The following CCSER2 variants were observed in gnomAD, a reference collection of about 807,000 sequenced individuals.
The protein encoded by CCSER2 is serine-rich coiled-coil domain-containing protein 2.
CCSER2 carries 46 observed loss-of-function variants against 92.3 expected under a neutral mutation model. That is an observed-to-expected ratio of 0.50 (90% CI 0.39 to 0.64). The LOEUF is 0.64. Among genes scored for constraint, CCSER2 ranks in the 30% least tolerant of loss-of-function variants. The pLI is 0.00. For synonymous variants in CCSER2, 433 were observed against 431.4 expected (o/e 1.00, Z -0.04); for missense variants, 1,244 against 1,238.9 (o/e 1.00, Z -0.06).
At chr10:84,492,479 C>T (rs976785137) in intron 9 of CCSER2, among the ~76,000 whole-genome samples, 4 of 152,072 alleles carry the variant, frequency 2.6e-5, no homozygotes, top group Non-Finnish European at 4.4e-5. Flanking sequence ...TGCATTATGT[C>T]ACCAGCTTGG....
intron 7 of CCSER2, among the ~76,000 whole-genome samples, chr10:84,465,896 G>T (rs946797923): frequency 2.0e-5 from 3 of 151,910 alleles, no homozygotes; most frequent in African/African-American, 7.3e-5. Context: ...GACTACAGGT[G>T]CCCACCACCG....
intron 9 of CCSER2, among the ~76,000 whole-genome samples, chr10:84,492,147 C>T (rs1005197145): frequency 6.6e-5 from 10 of 151,814 alleles, no homozygotes; most frequent in East Asian, 3.9e-4. Context: ...GGCATGGTGG[C>T]GGGCACCTGT....
chr10:84,494,215 G>T, intron 9 of CCSER2, among the ~76,000 whole-genome samples: 1 of 152,192 alleles, frequency 6.6e-6, no homozygotes. Flanking sequence ...GACCCATGAT[G>T]TAGGGTAACT....
At chr10:84,482,811 A>T (rs1283266239) in intron 9 of CCSER2, among the ~76,000 whole-genome samples, 1 of 152,196 alleles carries the variant, frequency 6.6e-6, no homozygotes, top group Non-Finnish European at 1.5e-5. Flanking sequence ...TACTCTGAAA[A>T]TTGAGTACAT....
chr10:84,431,564 T>A (rs974024758), intron 5 of CCSER2, among the ~76,000 whole-genome samples: 7 of 151,900 alleles, frequency 4.6e-5, no homozygotes, highest in Non-Finnish European at 8.8e-5. Flanking sequence ...ACATATTGAG[T>A]CCTCGTTTTG....
chr10:84,339,023 AAC>A (rs1439894677), intron 1 of CCSER2, among the ~76,000 whole-genome samples: 4 of 152,130 alleles, frequency 2.6e-5, no homozygotes, highest in African/African-American at 4.8e-5. Flanking sequence ...GGATTTCCGA[AAC>A]ACAGATCTGA....
intron 9 of CCSER2, among the ~76,000 whole-genome samples, chr10:84,495,429 T>C (rs1339445659): frequency 6.6e-6 from 1 of 152,214 alleles, no homozygotes; most frequent in Non-Finnish European, 1.5e-5. Context: ...GATTGCTTTT[T>C]GCTATTGTTG....
chr10:84,440,291 A>G (rs962924527), intron 6 of CCSER2, among the ~76,000 whole-genome samples: 3 of 152,192 alleles, frequency 2.0e-5, no homozygotes, highest in African/African-American at 7.2e-5. Flanking sequence ...TTATGTGATG[A>G]CAGCAAAATT....
intron 5 of CCSER2, among the ~76,000 whole-genome samples, chr10:84,429,889 A>C (rs1468826470): frequency 4.6e-5 from 7 of 152,176 alleles, no homozygotes; most frequent in Non-Finnish European, 1.0e-4. Context: ...AAAAAATACA[A>C]ATAATGTGAA....
At chr10:84,334,535 G>T (rs751742568) in intron 1 of CCSER2, among the ~76,000 whole-genome samples, 1 of 152,096 alleles carries the variant, frequency 6.6e-6, no homozygotes, top group Non-Finnish European at 1.5e-5. Context: ...CCATTGGGAA[G>T]CCAGAGGATT....
chr10:84,357,761 T>G (rs952643583), intron 1 of CCSER2, among the ~76,000 whole-genome samples: 1 of 152,196 alleles, frequency 6.6e-6, no homozygotes, highest in Non-Finnish European at 1.5e-5. Context: ...TATTTTTGTG[T>G]TTTTAAATGT....
At chr10:84,491,123 A>G (rs10887306) in intron 9 of CCSER2, among the ~76,000 whole-genome samples, 86,194 of 152,126 alleles carry the variant, frequency 0.57, 27,119 homozygotes, top group East Asian at 0.74. Flanking sequence ...ATGGGTACCC[A>G]GCCGTGTGAG....
chr10:84,513,868 T>C lies in CCSER2; in HGVS notation c.2745T>C (p.Ser915=), dbSNP rs1449652191. The part of the protein sequence containing the change: ...RNQSPPVGYM[S]QPKSLQLLKP... ...AGTCTCCGCCAGTGGGTTATATGTC[T>C]CAGCCCAAGTCCTTGCAGCTTTTAA... The change falls in exon 10 of 10, where the codon TCT becomes TCC. Residue 915 remains serine (S), a synonymous_variant. Transcript: ENST00000372088. 4 of 1,536,374 alleles carry C rather than the reference T, an allele frequency of 2.6e-6. No individual in the cohort carries two copies. Among genetic ancestry groups the C allele is most frequent in the Non-Finnish European group, 3.5e-6 (4 of 1,146,962 alleles).
At chr10:84,481,767 G>A (rs1847470678) in intron 9 of CCSER2, among the ~76,000 whole-genome samples, 1 of 151,954 alleles carries the variant, frequency 6.6e-6, no homozygotes, top group Admixed American at 6.6e-5. Context: ...TTCTGCTTGG[G>A]AAAGCAATAA....
In CCSER2 at chr10:84,328,647, C is replaced by G. The variant is rs1589359489; in HGVS notation, c.-201C>G. On this transcript the variant is annotated 5_prime_UTR_variant, in exon 1 of 10. Transcript: ENST00000372088. ...CGCGGCGGCTTTGGAGTCCGGCGCTCCCTCAGGCCGCGGACGCGATGCTGG... is the reference window on the plus strand; with the variant it reads ...CGCGGCGGCTTTGGAGTCCGGCGCTGCCTCAGGCCGCGGACGCGATGCTGG... The G allele has an allele frequency of 6.6e-6, 1 of 150,586 alleles. No homozygotes were observed. The highest frequency in any genetic ancestry group is 6.6e-5 in the Admixed American group (1 of 15,138). 9.3% of individuals were successfully genotyped at this position (150,586 alleles called of 1,614,324 possible). A position where few individuals can be genotyped will look rare whatever the true frequency, so the allele number is the denominator to read the frequency against.
intron 9 of CCSER2, among the ~76,000 whole-genome samples, chr10:84,508,527 G>A (rs1849184959): frequency 1.3e-5 from 2 of 152,150 alleles, no homozygotes; most frequent in Admixed American, 1.3e-4. Flanking sequence ...ACTCAGATCA[G>A]CCTGATTGTA....
chr10:84,506,095 T>G (rs1849028220), intron 9 of CCSER2, among the ~76,000 whole-genome samples: 1 of 151,622 alleles, frequency 6.6e-6, no homozygotes, highest in Non-Finnish European at 1.5e-5. Flanking sequence ...TGATTGTGCC[T>G]CTGTAGTAAA....
At chr10:84,386,969 A>C (rs1841246939) in intron 3 of CCSER2, among the ~76,000 whole-genome samples, 1 of 152,102 alleles carries the variant, frequency 6.6e-6, no homozygotes, top group Admixed American at 6.5e-5. Flanking sequence ...AGAGTTGAAA[A>C]ATTACCTATT....
intron 6 of CCSER2, among the ~76,000 whole-genome samples, chr10:84,454,326 C>T (rs1160758704): frequency 6.6e-6 from 1 of 152,122 alleles, no homozygotes; most frequent in East Asian, 1.9e-4. Flanking sequence ...CCACCCTAAT[C>T]CCGTGTGAAC....
Sources: allele counts gnomAD v4.1 joint callset (sites outside exome capture counted in the v4.1 genomes callset), GRCh38; gene constraint gnomAD v4.1.1; transcripts MANE v1.5; gene names NCBI Gene and HGNC (gene_info 2026-07-23, HGNC 2026-07-21).